Variants in LECT2 observed in about 807,000 individuals in gnomAD.
LECT2 encodes leukocyte cell derived chemotaxin 2.
A neutral mutation model predicts 16.6 loss-of-function variants in LECT2; 11 were observed. The ratio of observed to expected loss-of-function variants is 0.66; its 90% CI spans 0.42 to 1.09. The LOEUF is 1.09. Among genes scored for constraint, LECT2 ranks in the 50% least tolerant of loss-of-function variants. The pLI, the probability that LECT2 is intolerant of heterozygous loss-of-function variation, is 0.00. For missense variants in LECT2, 173 were observed against 184.2 expected (o/e 0.94, Z 0.35); for synonymous variants, 54 against 64.8 (o/e 0.83, Z 0.80).
Position 135,948,575 on chromosome 5 carries a change from A to G in LECT2, c.290-1078T>C, listed in dbSNP as rs940933324. On this transcript the variant is annotated intron_variant, in intron 3 of 3. Coordinates refer to ENST00000274507, the MANE Select transcript of LECT2 (RefSeq NM_002302.3). ...AATAATTTTTGTATTACATATTGATATAATACTTTGAAAATATTGAGTTAA... is the reference window on the plus strand; with the variant it reads ...AATAATTTTTGTATTACATATTGATGTAATACTTTGAAAATATTGAGTTAA... Among the ~76,000 whole-genome samples, 4 of 151,972 alleles carry G rather than the reference A, an allele frequency of 2.6e-5. No homozygotes were observed. The East Asian group carries it at 7.7e-4, about 29-fold the overall frequency.
At chr5:135,948,569 A>C (rs1431838488) in intron 3 of LECT2, among the ~76,000 whole-genome samples, 1 of 152,000 alleles carries the variant, frequency 6.6e-6, no homozygotes, top group East Asian at 1.9e-4. Context: ...TGTATTACAT[A>C]TTGATATAAT....
intron 3 of LECT2, among the ~76,000 whole-genome samples, chr5:135,948,675 T>TAATA (rs57066919): frequency 1.6e-3 from 216 of 137,898 alleles, no homozygotes; most frequent in East Asian, 5.5e-3. Flanking sequence ...TAATAATAAT[T>TAATA]ATTATTATTA....
At position 135,947,975 on chromosome 5, in the gene LECT2, C is replaced by T. The variant is rs141840713; in HGVS notation, c.290-478G>A. Among the ~76,000 whole-genome samples, 7 of 152,264 alleles carry T rather than the reference C, an allele frequency of 4.6e-5. No homozygotes were observed. The East Asian group carries it at 7.7e-4, about 17-fold the overall frequency. On this transcript the variant is annotated intron_variant, in intron 3 of 3. Coordinates refer to ENST00000274507, the MANE Select transcript of LECT2 (RefSeq NM_002302.3). ...GAGTCATGTCTATAAATGTGAATGG[C>T]CTTATCTTGCCTATTAAAAGATGTC... is the stretch of plus-strand genomic sequence containing the variant.
In LECT2 at chr5:135,947,516, A is replaced by T; in HGVS notation, c.290-19T>A. 1 of 1,568,362 alleles carries T rather than the reference A, an allele frequency of 6.4e-7. No individual in the cohort carries two copies. Among genetic ancestry groups the T allele is most frequent in the South Asian group, 1.2e-5 (1 of 82,600 alleles). ...CAAAAACCTAAAAGAAAATAAGTAT[A>T]ATTATTTATCTGGGCTTCAGTAATC... On this transcript the variant is annotated intron_variant, in intron 3 of 3. Coordinates refer to ENST00000274507, the MANE Select transcript of LECT2 (RefSeq NM_002302.3).
intron 1 of LECT2, 125 bp from the exon 2 acceptor site, chr5:135,953,092 G>A (rs1483612564): frequency 9.7e-6 from 6 of 621,570 alleles, no homozygotes; most frequent in Middle Eastern, 5.2e-4. Context: ...TGGACTTTAT[G>A]TATTTATGGG....
At chr5:135,952,011 C>G (rs898540353) in intron 2 of LECT2, among the ~76,000 whole-genome samples, 1 of 152,186 alleles carries the variant, frequency 6.6e-6, no homozygotes, top group Non-Finnish European at 1.5e-5. Flanking sequence ...AATAGGCTGT[C>G]ACCTGAACGA....
intron 1 of LECT2, among the ~76,000 whole-genome samples, 199 bp downstream of exon 1, chr5:135,954,589 A>G (rs1403923653): frequency 1.3e-5 from 2 of 152,206 alleles, no homozygotes; most frequent in African/African-American, 2.4e-5. Context: ...TGTTTCCCTC[A>G]TTAAAGAACC....
At position 135,946,963 on chromosome 5, in the gene LECT2, T is replaced by C. The variant is rs139115787; in HGVS notation, c.*368A>G. 0.011 allele frequency: 1,737 copies of C among 155,160 alleles called. 28 individuals are homozygous for C. The highest frequency in any genetic ancestry group is 0.023 in the Middle Eastern group (7 of 310). 9.6% of individuals were successfully genotyped at this position (155,160 alleles called of 1,614,324 possible). On this transcript the variant is annotated 3_prime_UTR_variant, in exon 4 of 4. Coordinates refer to ENST00000274507, the MANE Select transcript of LECT2 (RefSeq NM_002302.3). ...CTTCGGGACTGAGAAATCTAAAAAA[T>C]AAAACCACTCAGATTCCATAGGTGA... is the stretch of plus-strand genomic sequence containing the variant.
chr5:135,953,868 G>A (rs1480045534), intron 1 of LECT2, among the ~76,000 whole-genome samples: 2 of 152,212 alleles, frequency 1.3e-5, no homozygotes, highest in Non-Finnish European at 2.9e-5. Flanking sequence ...GAGATTAGGG[G>A]TGAAGGTAGG....
intron 3 of LECT2, among the ~76,000 whole-genome samples, chr5:135,948,682 A>AT (rs1317572023): frequency 5.4e-5 from 8 of 148,284 alleles, no homozygotes; most frequent in African/African-American, 9.9e-5. Flanking sequence ...AATTATTATT[A>AT]TTATTTTTTT....
At position 135,947,194 on chromosome 5, in the gene LECT2, A is replaced by G. The variant is rs888457434; in HGVS notation, c.*137T>C. On this transcript the variant is annotated 3_prime_UTR_variant, in exon 4 of 4. Transcript: ENST00000274507. The stretch of plus-strand genomic sequence containing the variant: ...TGATACAGGCATGCAATGTGTAATA[A>G]TCATGTCATGGAAAATGGGGTATCC... The G allele has an allele frequency of 2.3e-5, 17 of 750,140 alleles. No homozygotes were observed. The Admixed American group carries it at 3.8e-4, about 17-fold the overall frequency. The allele number at this position is 750,140 out of a possible 1,614,324, so 46.5% of individuals were successfully genotyped here.
rs146075694 is a variant in LECT2, at chr5:135,951,403, C to A, written c.144-35G>T. 472 of 1,601,356 alleles carry A rather than the reference C, an allele frequency of 2.9e-4. 1 individual carries two copies. The East Asian group carries it at 8.9e-3, about 30-fold the overall frequency. On this transcript the variant is annotated intron_variant, in intron 2 of 3. Transcript: ENST00000274507. ...AAATAAGAACGAACAGACTGAGGAA[C>A]TGCCTTAGGGGAGCTTTACTGCCTG... is the stretch of plus-strand genomic sequence containing the variant.
At chr5:135,953,357 A>G (rs1429267292) in intron 1 of LECT2, among the ~76,000 whole-genome samples, 1 of 152,004 alleles carries the variant, frequency 6.6e-6, no homozygotes, top group African/African-American at 2.4e-5. Context: ...GCGCACCACC[A>G]CACCCAGCTA....
At chr5:135,953,040 C>CAA in intron 1 of LECT2, 73 bp from the exon 2 acceptor site, 1 of 933,504 alleles carries the variant, frequency 1.1e-6, no homozygotes, top group Non-Finnish European at 1.8e-6. Flanking sequence ...TTATCAGTCA[C>CAA]ACAGTTGATC....
chr5:135,954,504 T>C (rs1561586480), intron 1 of LECT2, among the ~76,000 whole-genome samples: 1 of 152,222 alleles, frequency 6.6e-6, no homozygotes, highest in Admixed American at 6.5e-5. Flanking sequence ...TTTTATTATC[T>C]AGTTTTGTTC....
chr5:135,953,482 G>A (rs1335080170), intron 1 of LECT2, among the ~76,000 whole-genome samples: 1 of 152,204 alleles, frequency 6.6e-6, no homozygotes, highest in Non-Finnish European at 1.5e-5. Context: ...TTACAGGCGT[G>A]AGCCACTGCG....
intron 1 of LECT2, among the ~76,000 whole-genome samples, chr5:135,953,533 A>G (rs1317202109): frequency 6.6e-6 from 1 of 152,180 alleles, no homozygotes; most frequent in Non-Finnish European, 1.5e-5. Flanking sequence ...GGCCTCCATC[A>G]TTATACTTTG....
In LECT2 at chr5:135,947,224, C is replaced by T. The variant is rs1763715533; in HGVS notation, c.*107G>A. The T allele has an allele frequency of 9.9e-7, 1 of 1,013,184 alleles. No homozygotes were observed. The highest frequency in any genetic ancestry group is 2.1e-5 in the Admixed American group (1 of 48,184). The allele number at this position is 1,013,184 out of a possible 1,614,324, so 62.8% of individuals were successfully genotyped here. Reference sequence around the variant, plus strand: ...GTCATGGAAAATGGGGTATCCATCCCTTCATGCATTTTTCCTTTGTGAACA... The same window carrying T: ...GTCATGGAAAATGGGGTATCCATCCTTTCATGCATTTTTCCTTTGTGAACA... On this transcript the variant is annotated 3_prime_UTR_variant, in exon 4 of 4. Coordinates refer to ENST00000274507, the MANE Select transcript of LECT2 (RefSeq NM_002302.3).
intron 1 of LECT2, 116 bp downstream of exon 1, chr5:135,954,672 A>C: frequency 1.4e-6 from 1 of 720,598 alleles, no homozygotes; most frequent in Non-Finnish European, 2.5e-6. Context: ...TTAATAGCCA[A>C]ATACACAAGT....
Sources: gnomAD v4.1 joint callset for allele counts (sites outside exome capture counted in the v4.1 genomes callset) on GRCh38, gnomAD v4.1.1 for gene constraint, MANE v1.5 for transcripts, NCBI Gene and HGNC (gene_info 2026-07-23, HGNC 2026-07-21) for gene names.